Variants in IKZF1 observed in about 807,000 individuals in gnomAD.
IKZF1 encodes DNA-binding protein Ikaros.
In IKZF1, 10 loss-of-function variants were observed where a neutral mutation model predicts 51.7. The ratio of observed to expected loss-of-function variants is 0.19; its 90% confidence interval spans 0.12 to 0.33. The LOEUF is 0.33. Among genes scored for constraint, IKZF1 ranks in the 10% least tolerant of loss-of-function variants. The probability of loss-of-function intolerance (pLI) is 1.00; values close to 1 mark genes in which losing one functional copy is unlikely to be tolerated. For synonymous variants in IKZF1, 280 were observed against 282.3 expected (o/e 0.99, Z 0.08); for missense variants, 484 against 707.5 (o/e 0.68, Z 3.58).
At chr7:50,387,141 G>A (rs953759764) in intron 5 of IKZF1, among the ~76,000 whole-genome samples, 1 of 152,204 alleles carries the variant, frequency 6.6e-6, no homozygotes, top group East Asian at 1.9e-4. Flanking sequence ...AACAAGAGTC[G>A]CATGAGTTCT....
chr7:50,356,833 C>T (rs983836956), intron 3 of IKZF1, among the ~76,000 whole-genome samples: 5 of 152,148 alleles, frequency 3.3e-5, no homozygotes, highest in Non-Finnish European at 7.3e-5. Context: ...GTCACAATCG[C>T]TGTGCTTGGG....
Position 50,382,748 on chromosome 7 carries a change from C to T in IKZF1, c.589+41C>T, listed in dbSNP as rs113962761. 124,295 of 1,567,884 alleles carry T rather than the reference C, an allele frequency of 0.079. 5,581 individuals carry two copies. The highest frequency in any genetic ancestry group is 0.092 in the South Asian group (7,983 of 86,474). ...GCAGTCCGGGGCTGTCTGGGTGTCC[C>T]GGGATTCCTCCACTCTGCCCGCCTG... On this transcript the variant is annotated intron_variant, in intron 5 of 7. Coordinates refer to ENST00000331340, the MANE Select transcript of IKZF1 (RefSeq NM_006060.6).
At chr7:50,365,806 C>T (rs963706934) in intron 3 of IKZF1, among the ~76,000 whole-genome samples, 4 of 152,148 alleles carry the variant, frequency 2.6e-5, no homozygotes, top group African/African-American at 4.8e-5. Flanking sequence ...GTCATTCTAC[C>T]GTAAGACACA....
chr7:50,349,400 G>A (rs1801241529), intron 3 of IKZF1, among the ~76,000 whole-genome samples: 1 of 152,216 alleles, frequency 6.6e-6, no homozygotes, highest in Middle Eastern at 3.2e-3. Flanking sequence ...CAGTTTTGAT[G>A]AGAAGCGCAT....
intron 5 of IKZF1, among the ~76,000 whole-genome samples, chr7:50,383,199 CG>C (rs1383008294): frequency 4.6e-5 from 7 of 152,278 alleles, no homozygotes; most frequent in African/African-American, 1.7e-4. Flanking sequence ...GACTGAGCCC[CG>C]TGTGGCTCTC....
intron 3 of IKZF1, among the ~76,000 whole-genome samples, chr7:50,334,133 A>C (rs1797021540): frequency 6.6e-6 from 1 of 152,204 alleles, no homozygotes; most frequent in Non-Finnish European, 1.5e-5. Context: ...AAATAGTTCA[A>C]AATGTTTAGG....
chr7:50,316,719 C>T (rs1471961957), intron 1 of IKZF1, among the ~76,000 whole-genome samples: 1 of 152,228 alleles, frequency 6.6e-6, no homozygotes, highest in Non-Finnish European at 1.5e-5. Context: ...CCTGAAAGGA[C>T]GAGTGTGTCC....
upstream of IKZF1, chr7:50,304,138 C>T (rs1278324783): frequency 1.4e-5 from 2 of 147,900 alleles, no homozygotes; most frequent in African/African-American, 4.9e-5. Context: ...CCGCCGCCGC[C>T]CCGGCGGCCT....
intron 3 of IKZF1, among the ~76,000 whole-genome samples, chr7:50,364,804 G>T (rs1806354599): frequency 6.6e-6 from 1 of 152,220 alleles, no homozygotes. Flanking sequence ...CACCTGCTCT[G>T]TGACTTTGTT....
intron 1 of IKZF1, among the ~76,000 whole-genome samples, chr7:50,306,748 G>T (rs1260449748): frequency 6.6e-6 from 1 of 152,226 alleles, no homozygotes; most frequent in African/African-American, 2.4e-5. Flanking sequence ...TGTCTTCCTT[G>T]TTTGACTAGA....
At chr7:50,398,486 TATC>T (rs1189276483) in intron 7 of IKZF1, among the ~76,000 whole-genome samples, 2 of 152,186 alleles carry the variant, frequency 1.3e-5, no homozygotes, top group African/African-American at 4.8e-5. Flanking sequence ...AAACCCTCCT[TATC>T]AACCCTCCTT....
At chr7:50,356,681 G>A (rs1486592438) in intron 3 of IKZF1, among the ~76,000 whole-genome samples, 2 of 152,106 alleles carry the variant, frequency 1.3e-5, no homozygotes, top group Admixed American at 6.5e-5. Context: ...TTTGTATTTC[G>A]GTTGGGCTGG....
Position 50,327,776 on chromosome 7 carries a change from G to T in IKZF1, c.160+19G>T. 6.3e-7 allele frequency: 1 copy of T among 1,591,778 alleles called. No homozygotes were observed. The highest frequency in any genetic ancestry group is 8.6e-7 in the Non-Finnish European group (1 of 1,169,520). ...GTCGTGGGTAAGTGGGTCACCAGCG[G>T]CCTCTGTGCCTGTGAAACCTTTATC... On this transcript the variant is annotated intron_variant, in intron 3 of 7. Transcript: ENST00000331340.
intron 3 of IKZF1, among the ~76,000 whole-genome samples, chr7:50,339,962 T>G (rs1402463625): frequency 6.6e-6 from 1 of 152,174 alleles, no homozygotes; most frequent in Non-Finnish European, 1.5e-5. Flanking sequence ...ATTCCTGTGA[T>G]TAAGTTGGTC....
rs140272314 is a variant in IKZF1 at position 50,330,464 on chromosome 7, C to T, written c.160+2707C>T. Among the ~76,000 whole-genome samples the T allele has an allele frequency of 6.7e-4, 102 of 152,020 alleles. 1 individual carries two copies. Among genetic ancestry groups the T allele is most frequent in the Non-Finnish European group, 9.6e-4 (65 of 67,994 alleles). On this transcript the variant is annotated intron_variant, in intron 3 of 7. Transcript: ENST00000331340. ...AAAAGCCTACATGACAAACCAGGCACGACACAAAGGAGAGGCTTGAGAAGA... is the reference window on the plus strand; with the variant it reads ...AAAAGCCTACATGACAAACCAGGCATGACACAAAGGAGAGGCTTGAGAAGA...
Position 50,400,566 on chromosome 7 carries a change from A to G in IKZF1, c.1499A>G (p.Gln500Arg), listed in dbSNP as rs1430179730. Residue 500 changes from glutamine (Q) to arginine (R), a missense_variant, in exon 8 of 8, where the codon CAG becomes CGG. This residue lies in a region of IKZF1 where 42 missense variants were observed against 84.4 expected (regional missense o/e 0.50). Coordinates refer to ENST00000331340, the MANE Select transcript of IKZF1 (RefSeq NM_006060.6). The surrounding 1 kb of genome is among the most constrained non-coding windows in gnomAD (Gnocchi z 5.4). ...FECNMCGYHS[Q>R]DRYEFSSHIT... ...TGCAACATGTGCGGCTACCACAGCCAGGACCGGTACGAGTTCTCGTCGCAC... is the reference window on the plus strand; with the variant it reads ...TGCAACATGTGCGGCTACCACAGCCGGGACCGGTACGAGTTCTCGTCGCAC... 1.9e-6 allele frequency: 3 copies of G among 1,613,878 alleles called. No individual in the cohort carries two copies. The highest frequency in any genetic ancestry group is 2.5e-6 in the Non-Finnish European group (3 of 1,179,922).
Position 50,400,298 on chromosome 7 carries a change from C to G in IKZF1, c.1231C>G (p.Leu411Val), listed in dbSNP as rs1240237548. ...ESNNEEQRSG[L>V]IYLTNHIAPH... ...CAACAACGAGGAGCAGCGCAGCGGT[C>G]TCATCTACCTGACCAACCACATCGC... is the stretch of plus-strand genomic sequence containing the variant. Residue 411 changes from leucine to valine, a missense_variant, in exon 8 of 8, where the codon CTC becomes GTC. Leu to Val is a conservative substitution (Grantham distance 32). Transcript: ENST00000331340. This position sits in a 1 kb window ranked among gnomAD's most constrained non-coding sequence, Gnocchi z 5.4. 1 of 1,613,014 alleles carries G rather than the reference C, an allele frequency of 6.2e-7. No homozygotes were observed. Among genetic ancestry groups the G allele is most frequent in the Non-Finnish European group, 8.5e-7 (1 of 1,179,702 alleles).
In IKZF1 at chr7:50,370,866, C is replaced by T. The variant is rs1808455847; in HGVS notation, c.161-5667C>T. ...GTGGGGGGTTACAAAATATTTATAA[C>T]TATCTTTCCTATCTTCAGGGAGATG... On this transcript the variant is annotated intron_variant, in intron 3 of 7. Transcript: ENST00000331340. Among the ~76,000 whole-genome samples, 4 of 152,302 alleles carry T rather than the reference C, an allele frequency of 2.6e-5. No homozygotes were observed. The South Asian group carries it at 8.3e-4, about 32-fold the overall frequency.
chr7:50,365,616 T>C (rs1806665122), intron 3 of IKZF1, among the ~76,000 whole-genome samples: 1 of 152,150 alleles, frequency 6.6e-6, no homozygotes, highest in East Asian at 1.9e-4. Flanking sequence ...TGGTTATTAA[T>C]AAAAAGTCAA....
Sources: allele counts gnomAD v4.1 joint callset (sites outside exome capture counted in the v4.1 genomes callset), GRCh38; gene constraint gnomAD v4.1.1; regional missense constraint gnomAD v4.1.1; non-coding constraint Gnocchi (gnomAD v3.1); transcripts MANE v1.5; gene names NCBI Gene and HGNC (gene_info 2026-07-23, HGNC 2026-07-21).